WSCD2: variants seen among roughly 807,000 people sequenced by gnomAD.
The protein encoded by WSCD2 is sialate:O-sulfotransferase 2.
A neutral mutation model predicts 55.7 loss-of-function variants in WSCD2; 28 were observed. That is an observed-to-expected ratio of 0.50 (90% CI 0.37 to 0.69). The LOEUF (loss-of-function observed/expected upper bound fraction) is 0.69, where lower values mean the gene tolerates loss of function less well. Among genes scored for constraint, WSCD2 ranks in the 30% least tolerant of loss-of-function variants. WSCD2 has a pLI of 0.00. For synonymous variants in WSCD2, 301 were observed against 301.9 expected (o/e 1.00, Z 0.03); for missense variants, 616 against 762.1 (o/e 0.81, Z 2.26).
At chr12:108,147,613 A>T (rs1478782157) in intron 1 of WSCD2, among the ~76,000 whole-genome samples, 3 of 152,266 alleles carry the variant, frequency 2.0e-5, no homozygotes, top group African/African-American at 7.2e-5. Flanking sequence ...ATGGTGGCTC[A>T]TGCCTGTAAT....
At chr12:108,212,922 T>C (rs145494128) in intron 4 of WSCD2, among the ~76,000 whole-genome samples, 3 of 152,310 alleles carry the variant, frequency 2.0e-5, no homozygotes, top group Non-Finnish European at 4.4e-5. Context: ...GTTTGAAGCT[T>C]GAGCACCTTC....
Position 108,248,097 on chromosome 12 carries a change from G to A in WSCD2, c.1452G>A (p.Lys484=). 6.2e-7 allele frequency: 1 copy of A among 1,614,228 alleles called. No homozygotes were observed. The highest frequency in any genetic ancestry group is 8.5e-7 in the Non-Finnish European group (1 of 1,180,040). The part of the protein sequence containing the change: ...KVLVVHFEDL[K]QDLFVQLGRM... ...TGGTGGTGCACTTTGAGGACCTGAA[G>A]CAGGACCTCTTTGTCCAGCTGGGCC... The change falls in exon 9 of 9, where the codon AAG becomes AAA. Residue 484 remains lysine, a synonymous_variant. Coordinates refer to ENST00000547525, the MANE Select transcript of WSCD2 (RefSeq NM_014653.4). The surrounding 1 kb of genome is among the most constrained non-coding windows in gnomAD (Gnocchi z 4.3).
intron 1 of WSCD2, among the ~76,000 whole-genome samples, chr12:108,188,416 C>T (rs927474586): frequency 1.3e-5 from 2 of 152,034 alleles, no homozygotes; most frequent in Admixed American, 6.5e-5. Flanking sequence ...ACAATATATC[C>T]ATCATGAGCA....
intron 1 of WSCD2, among the ~76,000 whole-genome samples, chr12:108,173,861 AC>A (rs1157038855): frequency 1.7e-5 from 2 of 114,382 alleles, no homozygotes; most frequent in African/African-American, 8.3e-5. Flanking sequence ...TGTGTCAGGG[AC>A]TATCAGGGGT....
intron 7 of WSCD2, among the ~76,000 whole-genome samples, chr12:108,237,747 C>T (rs1371826130): frequency 1.3e-5 from 2 of 152,210 alleles, no homozygotes; most frequent in Non-Finnish European, 2.9e-5. Context: ...CAACCAGAAT[C>T]TGGAATATGA....
intron 1 of WSCD2, among the ~76,000 whole-genome samples, chr12:108,164,125 T>C (rs780861316): frequency 1.4e-5 from 2 of 146,944 alleles, no homozygotes; most frequent in African/African-American, 2.5e-5. Flanking sequence ...TATACTGTTG[T>C]TTAATCTTAA....
intron 7 of WSCD2, among the ~76,000 whole-genome samples, chr12:108,235,629 T>A (rs1889194145): frequency 6.6e-6 from 1 of 152,142 alleles, no homozygotes; most frequent in Non-Finnish European, 1.5e-5. Context: ...CTACTAAAAC[T>A]TTAACTTGAT....
chr12:108,137,827 C>T (rs904866999), intron 1 of WSCD2, among the ~76,000 whole-genome samples: 3 of 152,204 alleles, frequency 2.0e-5, no homozygotes, highest in Non-Finnish European at 2.9e-5. Flanking sequence ...AATTCACGTA[C>T]GTGGAACTCT....
Position 108,248,473 on chromosome 12 carries a change from C to T in WSCD2, c.*130C>T. 2 of 1,437,936 alleles carry T rather than the reference C, an allele frequency of 1.4e-6. No homozygotes were observed. The highest frequency in any genetic ancestry group is 9.1e-7 in the Non-Finnish European group (1 of 1,098,522). 89.1% of individuals were successfully genotyped at this position (1,437,936 alleles called of 1,614,324 possible). On this transcript the variant is annotated 3_prime_UTR_variant, in exon 9 of 9. Coordinates refer to ENST00000547525, the MANE Select transcript of WSCD2 (RefSeq NM_014653.4). This position sits in a 1 kb window ranked among gnomAD's most constrained non-coding sequence, Gnocchi z 4.3. ...GGACAATCCCCTTGGCTGCTCTTTG[C>T]CTTCAATGAGTTTCCTGCATGACAG...
At chr12:108,167,810 A>C (rs1724258821) in intron 1 of WSCD2, among the ~76,000 whole-genome samples, 1 of 152,188 alleles carries the variant, frequency 6.6e-6, no homozygotes, top group African/African-American at 2.4e-5. Flanking sequence ...TCGCTGTGGT[A>C]GGAGAGAGAT....
chr12:108,217,109 A>C (rs536238162), intron 4 of WSCD2, among the ~76,000 whole-genome samples: 2 of 152,372 alleles, frequency 1.3e-5, no homozygotes, highest in East Asian at 3.9e-4. Context: ...GGGTAGATAC[A>C]ACAATCCTCA....
At chr12:108,193,579 T>C (rs1391102938) in intron 1 of WSCD2, among the ~76,000 whole-genome samples, 3 of 150,614 alleles carry the variant, frequency 2.0e-5, no homozygotes, top group Non-Finnish European at 3.0e-5. Context: ...GATGGGTAGG[T>C]GAACTGCCGG....
At chr12:108,247,924 G>C in intron 8 of WSCD2, 67 bp from the exon 9 acceptor site, 1 of 1,520,652 alleles carries the variant, frequency 6.6e-7, no homozygotes, top group African/African-American at 1.4e-5. Flanking sequence ...ACCACTGCCA[G>C]CACCATCTGA....
intron 4 of WSCD2, among the ~76,000 whole-genome samples, chr12:108,216,685 G>A (rs553811562): frequency 6.6e-6 from 1 of 152,352 alleles, no homozygotes; most frequent in South Asian, 2.1e-4. Flanking sequence ...CAGGTCTCTA[G>A]TGAGGACAAT....
rs199556088 is a variant in WSCD2, at chr12:108,196,193, C to T, written c.361C>T (p.Arg121Trp). 1.7e-5 allele frequency: 27 copies of T among 1,613,376 alleles called. No individual in the cohort carries two copies. Among genetic ancestry groups the T allele is most frequent in the East Asian group, 1.1e-4 (5 of 44,876 alleles). The change falls in exon 2 of 9, where the codon CGG becomes TGG. Residue 121 changes from arginine (R) to tryptophan (W), a missense_variant. Physicochemically the swap from Arg to Trp is moderately radical, Grantham distance 101. Coordinates refer to ENST00000547525, the MANE Select transcript of WSCD2 (RefSeq NM_014653.4). The part of the protein sequence containing the change: ...WSRALKGRVV[R>W]EKEEERAKYI... ...CCGAGCCCTCAAGGGGAGGGTTGTCCGGGAGAAGGAGGAAGAGCGAGGTAA... is the reference window on the plus strand; with the variant it reads ...CCGAGCCCTCAAGGGGAGGGTTGTCTGGGAGAAGGAGGAAGAGCGAGGTAA...
intron 1 of WSCD2, among the ~76,000 whole-genome samples, chr12:108,139,374 C>G (rs1204081204): frequency 6.6e-6 from 1 of 152,172 alleles, no homozygotes; most frequent in African/African-American, 2.4e-5. Context: ...CTCACCAGCC[C>G]TTGTGAACTG....
At chr12:108,146,048 G>A (rs1228544575) in intron 1 of WSCD2, among the ~76,000 whole-genome samples, 1 of 152,244 alleles carries the variant, frequency 6.6e-6, no homozygotes, top group Non-Finnish European at 1.5e-5. Flanking sequence ...GTCATTGGAA[G>A]GGGTCTCAAG....
chr12:108,196,208 G>A lies in WSCD2; in HGVS notation c.376G>A (p.Glu126Lys). 1 of 1,612,750 alleles carries A rather than the reference G, an allele frequency of 6.2e-7. No individual in the cohort carries two copies. The highest frequency in any genetic ancestry group is 8.5e-7 in the Non-Finnish European group (1 of 1,179,306). Residue 126 changes from glutamate (E) to lysine (K), a missense_variant, in exon 2 of 9, where the codon GAG (glutamate) becomes AAG (lysine). By Grantham distance (56) the Glu-to-Lys change is moderately conservative (BLOSUM62 1). Around this residue, in one of 3 missense-constraint regions of WSCD2, gnomAD observed 374 missense variants for 467.4 expected, o/e 0.80. Transcript: ENST00000547525. ...KGRVVREKEE[E>K]RAKYIGCYLD... is the part of the protein sequence containing the mutation. Reference sequence around the variant, plus strand: ...GAGGGTTGTCCGGGAGAAGGAGGAAGAGCGAGGTAAGAGCGAGGAACATCT... The same window carrying A: ...GAGGGTTGTCCGGGAGAAGGAGGAAAAGCGAGGTAAGAGCGAGGAACATCT...
At chr12:108,227,296 T>A in intron 6 of WSCD2, 132 bp downstream of exon 6, 1 of 1,096,216 alleles carries the variant, frequency 9.1e-7, no homozygotes, top group Non-Finnish European at 1.3e-6. Flanking sequence ...GCAGGGCTGA[T>A]GAACTCCACC....
Sources: gnomAD v4.1 joint callset for allele counts (sites outside exome capture counted in the v4.1 genomes callset) on GRCh38, gnomAD v4.1.1 for gene constraint, gnomAD v4.1.1 regional missense constraint, Gnocchi (gnomAD v3.1) non-coding constraint, MANE v1.5 for transcripts, NCBI Gene and HGNC (gene_info 2026-07-23, HGNC 2026-07-21) for gene names.